The following CLSTN2 variants were observed in gnomAD, a reference collection of about 807,000 sequenced individuals.
CLSTN2 encodes the protein calsyntenin-2.
In CLSTN2, 48 loss-of-function variants were observed where a neutral mutation model predicts 101.2. The ratio of observed to expected loss-of-function variants is 0.47; its 90% CI spans 0.38 to 0.60. The LOEUF is 0.60. Ranked by LOEUF, CLSTN2 falls within the 20% of genes least tolerant of loss-of-function variation. The pLI is 0.00. For synonymous variants in CLSTN2, 481 were observed against 463.6 expected (o/e 1.04, Z -0.48); for missense variants, 1,160 against 1,238.2 (o/e 0.94, Z 0.95).
rs1002891524 is a variant in CLSTN2, at chr3:140,071,731, T to C, written c.110-104220T>C. On this transcript the variant is annotated intron_variant, in intron 1 of 16. Transcript: ENST00000458420. ...CTGTAGTCCCAGCTACCCAGGAGGC[T>C]GAGGCAGGAGAATGGCATGAACTCG... Among the ~76,000 whole-genome samples the C allele has an allele frequency of 3.9e-5, 6 of 152,156 alleles. No homozygotes were observed. In the East Asian group the frequency reaches 1.2e-3, roughly 29 times the overall value.
At chr3:140,172,679 C>T (rs983750605) in intron 1 of CLSTN2, among the ~76,000 whole-genome samples, 4 of 152,182 alleles carry the variant, frequency 2.6e-5, no homozygotes, top group South Asian at 4.1e-4. Context: ...TACAGTTCCA[C>T]GTGGCTGGGG....
chr3:140,473,139 A>C (rs1445081005), intron 8 of CLSTN2, among the ~76,000 whole-genome samples: 1 of 152,168 alleles, frequency 6.6e-6, no homozygotes, highest in Admixed American at 6.5e-5. Context: ...TTTTTGAGAG[A>C]GTGCCAGTGT....
At chr3:140,345,337 C>T (rs2087535923) in intron 2 of CLSTN2, among the ~76,000 whole-genome samples, 1 of 151,548 alleles carries the variant, frequency 6.6e-6, no homozygotes, top group Non-Finnish European at 1.5e-5. Flanking sequence ...CAACCTATGC[C>T]TCCCCGGTTC....
chr3:140,293,462 A>G (rs560698470), intron 2 of CLSTN2, among the ~76,000 whole-genome samples: 158 of 152,322 alleles, frequency 1.0e-3, no homozygotes, highest in Admixed American at 3.6e-3. Context: ...TTCCACATAC[A>G]TGTATCACAA....
chr3:140,260,365 T>G (rs2086641543), intron 2 of CLSTN2, among the ~76,000 whole-genome samples: 1 of 151,910 alleles, frequency 6.6e-6, no homozygotes, highest in Non-Finnish European at 1.5e-5. Context: ...CCAGACGCTC[T>G]TTATGAGGTT....
chr3:140,434,953 A>T (rs918614082), intron 5 of CLSTN2, among the ~76,000 whole-genome samples: 1 of 152,142 alleles, frequency 6.6e-6, no homozygotes, highest in African/African-American at 2.4e-5. Context: ...TAGTAGGTGT[A>T]TATATTTATG....
Position 140,404,651 on chromosome 3 carries a change from C to G in CLSTN2, c.522C>G (p.Ile174Met), listed in dbSNP as rs756363468. ...AYKAVVTEGK[I>M]YDSILQVEAI... The stretch of plus-strand genomic sequence containing the variant: ...AGGCTGTTGTGACGGAGGGCAAGAT[C>G]TATGACAGCATTCTGCAGGTGGAGG... The change falls in exon 4 of 17, where the codon ATC becomes ATG. Residue 174 changes from isoleucine to methionine, a missense_variant. Ile to Met is a conservative substitution (Grantham distance 10). Transcript: ENST00000458420. 1 of 1,614,218 alleles carries G rather than the reference C, an allele frequency of 6.2e-7. No individual in the cohort carries two copies. Among genetic ancestry groups the G allele is most frequent in the South Asian group, 1.1e-5 (1 of 91,086 alleles).
intron 1 of CLSTN2, among the ~76,000 whole-genome samples, chr3:139,999,756 C>A (rs1046296924): frequency 1.3e-4 from 20 of 152,158 alleles, no homozygotes; most frequent in Middle Eastern, 3.4e-3. Context: ...TTAAAAAGTA[C>A]AATAAAAGTA....
chr3:140,352,596 A>G (rs534443645), intron 2 of CLSTN2, among the ~76,000 whole-genome samples: 1 of 152,316 alleles, frequency 6.6e-6, no homozygotes, highest in East Asian at 1.9e-4. Flanking sequence ...CCGACAATGG[A>G]TGTGCTCATT....
At chr3:139,964,847 T>C (rs1935566278) in intron 1 of CLSTN2, among the ~76,000 whole-genome samples, 1 of 152,208 alleles carries the variant, frequency 6.6e-6, no homozygotes, top group Non-Finnish European at 1.5e-5. Flanking sequence ...AGGTTTGATT[T>C]TTACCTCCCG....
chr3:140,309,538 A>T (rs2087145199), intron 2 of CLSTN2, among the ~76,000 whole-genome samples: 5 of 152,106 alleles, frequency 3.3e-5, no homozygotes, highest in Admixed American at 3.3e-4. Flanking sequence ...GGCAAGTGTT[A>T]TCACAAGCAG....
intron 1 of CLSTN2, among the ~76,000 whole-genome samples, chr3:140,011,337 G>C (rs549378936): frequency 6.6e-6 from 1 of 152,288 alleles, no homozygotes; most frequent in Non-Finnish European, 1.5e-5. Context: ...TCTCAGCAGA[G>C]CCGAGGAGCC....
At chr3:140,321,535 G>A (rs2087282946) in intron 2 of CLSTN2, among the ~76,000 whole-genome samples, 1 of 152,120 alleles carries the variant, frequency 6.6e-6, no homozygotes, top group African/African-American at 2.4e-5. Flanking sequence ...AGAGACCACT[G>A]GGGACCCTCC....
intron 1 of CLSTN2, among the ~76,000 whole-genome samples, chr3:139,986,554 T>A (rs146996892): frequency 8.1e-4 from 124 of 152,318 alleles, no homozygotes; most frequent in African/African-American, 2.8e-3. Context: ...AAGCTTTCTA[T>A]CATGTCTAGT....
In CLSTN2 at chr3:140,491,638, G is replaced by A. The variant is rs943144435; in HGVS notation, c.1344+24907G>A. 3.9e-5 allele frequency among the ~76,000 whole-genome samples: 6 copies of A among 152,042 alleles called. No individual in the cohort carries two copies. The East Asian group carries it at 9.6e-4, about 24-fold the overall frequency. Reference sequence around the variant, plus strand: ...GAAGTTGGAGATCAGCCTGGGCAACGTGGCAAAACCGCTCTCTAATAAGAA... The same window carrying A: ...GAAGTTGGAGATCAGCCTGGGCAACATGGCAAAACCGCTCTCTAATAAGAA... On this transcript the variant is annotated intron_variant, in intron 8 of 16. Transcript: ENST00000458420.
At chr3:140,294,801 G>A (rs2086987953) in intron 2 of CLSTN2, among the ~76,000 whole-genome samples, 1 of 152,194 alleles carries the variant, frequency 6.6e-6, no homozygotes, top group Non-Finnish European at 1.5e-5. Context: ...GAGGCTGGAA[G>A]TCCAAGGTCA....
rs572251998 is a variant in CLSTN2 at position 140,146,904 on chromosome 3, T to A, written c.110-29047T>A. On this transcript the variant is annotated intron_variant, in intron 1 of 16. Coordinates refer to ENST00000458420, the MANE Select transcript of CLSTN2 (RefSeq NM_022131.3). Reference sequence around the variant, plus strand: ...TTTCCAGTCATCCATGCATTTATTCTTCAACCCTTATTTAGTATCTATTCA... The same window carrying A: ...TTTCCAGTCATCCATGCATTTATTCATCAACCCTTATTTAGTATCTATTCA... Among the ~76,000 whole-genome samples the A allele has an allele frequency of 4.6e-5, 7 of 152,378 alleles. No individual in the cohort carries two copies. The South Asian group carries it at 1.5e-3, about 32-fold the overall frequency.
intron 1 of CLSTN2, among the ~76,000 whole-genome samples, chr3:140,066,460 G>A (rs1436343764): frequency 2.0e-5 from 3 of 152,242 alleles, no homozygotes; most frequent in African/African-American, 7.2e-5. Flanking sequence ...AAGACAAGTG[G>A]CTTTATATTA....
At position 140,573,841 on chromosome 3, in the gene CLSTN2, G is replaced by T. The variant is rs1428238313; in HGVS notation, c.*7588G>T. 1 of 152,246 alleles carries T rather than the reference G, an allele frequency of 6.6e-6. No individual in the cohort carries two copies. The highest frequency in any genetic ancestry group is 2.4e-5 in the African/African-American group (1 of 41,436). 9.4% of individuals were successfully genotyped at this position (152,246 alleles called of 1,614,324 possible). On this transcript the variant is annotated 3_prime_UTR_variant, in exon 17 of 17. Transcript: ENST00000458420. ...GCCCAAAGACACCCCTGTTTCTGGGGAACAGAAGGGAGCTGGTACCTCTGG... is the reference window on the plus strand; with the variant it reads ...GCCCAAAGACACCCCTGTTTCTGGGTAACAGAAGGGAGCTGGTACCTCTGG...
Sources: allele counts gnomAD v4.1 joint callset (sites outside exome capture counted in the v4.1 genomes callset), GRCh38; gene constraint gnomAD v4.1.1; transcripts MANE v1.5; gene names NCBI Gene and HGNC (gene_info 2026-07-23, HGNC 2026-07-21).